Variants in MGA observed in about 807,000 individuals in gnomAD.
MGA encodes MAX gene-associated protein.
MGA carries 40 observed loss-of-function variants against 261.1 expected under a neutral mutation model. The ratio of observed to expected loss-of-function variants is 0.15; its 90% CI spans 0.12 to 0.20. The LOEUF is 0.20. Ranked by LOEUF, MGA falls within the 10% of genes least tolerant of loss-of-function variation. MGA has a pLI of 1.00. For missense variants in MGA, 3,397 were observed against 3,630.5 expected, an observed-to-expected ratio of 0.94 and a Z score of 1.65; for synonymous variants, 1,302 against 1,290.6, an observed-to-expected ratio of 1.01 and a Z score of -0.19.
At position 41,734,609 on chromosome 15, in the gene MGA, T is replaced by C. The variant is rs369773773; in HGVS notation, c.3916+15T>C. 24 of 1,543,674 alleles carry C rather than the reference T, an allele frequency of 1.6e-5. No individual in the cohort carries two copies. The African/African-American group carries it at 2.9e-4, about 18-fold the overall frequency. On this transcript the variant is annotated intron_variant, in intron 12 of 23. Transcript: ENST00000219905. ...TAAATTACAAGGTCAGAATGAAAAC[T>C]AGATCTTAACATTTGATAAAAATTA...
intron 1 of MGA, among the ~76,000 whole-genome samples, chr15:41,653,221 T>G (rs1175033429): frequency 1.3e-5 from 2 of 151,374 alleles, no homozygotes; most frequent in Non-Finnish European, 2.9e-5. Flanking sequence ...ACAAAAAAAT[T>G]AGCAGGGTGT....
chr15:41,652,099 G>C (rs983974856), intron 1 of MGA, among the ~76,000 whole-genome samples: 3 of 144,242 alleles, frequency 2.1e-5, no homozygotes, highest in Non-Finnish European at 3.0e-5. Context: ...CTGAGTAGCT[G>C]GGACTACAGG....
rs555576913 is a variant in MGA, at chr15:41,634,750, C to T, written c.-68+13452C>T. On this transcript the variant is annotated intron_variant, in intron 1 of 8. Coordinates refer to the MGA transcript ENST00000566718. ...ATGCATATAATGTATGTTCAGGGAGCGTTTGGTTAGAATGAGGTTTTGTTT... is the reference window on the plus strand; with the variant it reads ...ATGCATATAATGTATGTTCAGGGAGTGTTTGGTTAGAATGAGGTTTTGTTT... 5.5e-4 allele frequency among the ~76,000 whole-genome samples: 84 copies of T among 151,886 alleles called. 1 individual carries two copies. The highest frequency in any genetic ancestry group is 5.2e-3 in the South Asian group (25 of 4,818).
rs1040784047 is a variant in MGA, at chr15:41,623,722, C to T, written c.-68+2424C>T. Among the ~76,000 whole-genome samples the T allele has an allele frequency of 3.0e-4, 44 of 145,658 alleles. 1 individual carries two copies. Among genetic ancestry groups the T allele is most frequent in the South Asian group, 2.1e-4 (1 of 4,680 alleles). ...AGCCTGGGCAACAAGAGCGAAACTC[C>T]GTCTCCAAAAAAAAAAAAAGAATCT... is the stretch of plus-strand genomic sequence containing the variant. On this transcript the variant is annotated intron_variant, in intron 1 of 8. Transcript: ENST00000566718.
chr15:41,639,336 A>T (rs1442248559), intron 1 of MGA, among the ~76,000 whole-genome samples: 1 of 151,948 alleles, frequency 6.6e-6, no homozygotes, highest in Non-Finnish European at 1.5e-5. Flanking sequence ...CTTTCCATTC[A>T]GTTGAGAGGG....
In MGA at chr15:41,742,856, C is replaced by T; in HGVS notation, c.4896C>T (p.Ala1632=). 6.2e-7 allele frequency: 1 copy of T among 1,613,934 alleles called. No homozygotes were observed. Among genetic ancestry groups the T allele is most frequent in the African/African-American group, 1.3e-5 (1 of 75,038 alleles). Residue 1632 remains alanine (A), a synonymous_variant, in exon 15 of 24, where the codon GCC becomes GCT. Coordinates refer to ENST00000219905, the MANE Select transcript of MGA (RefSeq NM_001164273.2). ...AAGAAACTACTTATTCTTCTGGTGC[C>T]ACCACTACAGGGGTTGTTGAGGTCT...
intron 9 of MGA, among the ~76,000 whole-genome samples, chr15:41,725,834 C>CAAAAAA (rs1204528358): frequency 2.2e-4 from 2 of 9,028 alleles, no homozygotes; most frequent in Admixed American, 2.8e-3. Flanking sequence ...GACTCCGTCT[C>CAAAAAA]AAAAAAAAAA....
intron 2 of MGA, among the ~76,000 whole-genome samples, chr15:41,676,607 T>C (rs1236599349): frequency 6.6e-6 from 1 of 152,234 alleles, no homozygotes; most frequent in Non-Finnish European, 1.5e-5. Flanking sequence ...AGGGGTGTAT[T>C]AGTATCTATA....
chr15:41,651,391 T>C (rs2057039304), intron 1 of MGA, among the ~76,000 whole-genome samples: 1 of 152,238 alleles, frequency 6.6e-6, no homozygotes, highest in Non-Finnish European at 1.5e-5. Context: ...TTCTGGATAA[T>C]TTATTGTAGT....
At chr15:41,717,947 A>C (rs1014910139) in intron 9 of MGA, among the ~76,000 whole-genome samples, 1 of 151,686 alleles carries the variant, frequency 6.6e-6, no homozygotes, top group Non-Finnish European at 1.5e-5. Context: ...AAAATCAATC[A>C]GTATACTTTG....
chr15:41,749,069 G>A, intron 16 of MGA, 42 bp from the exon 17 acceptor site: 1 of 1,575,040 alleles, frequency 6.3e-7, no homozygotes, highest in Non-Finnish European at 8.6e-7. Context: ...CTTGATATGG[G>A]CAGTCATGAT....
intron 1 of MGA, among the ~76,000 whole-genome samples, chr15:41,643,372 C>G (rs936971727): frequency 2.0e-5 from 3 of 151,892 alleles, no homozygotes; most frequent in Non-Finnish European, 2.9e-5. Context: ...TCCTGAGTAG[C>G]TGGGACTATA....
chr15:41,762,841 T>C (rs991469690), intron 22 of MGA, among the ~76,000 whole-genome samples: 13 of 152,232 alleles, frequency 8.5e-5, no homozygotes, highest in African/African-American at 3.1e-4. Flanking sequence ...ACATTCGATT[T>C]TGGTTTCTGG....
upstream of MGA, among the ~76,000 whole-genome samples, chr15:41,659,651 C>CT (rs1309274615): frequency 2.0e-5 from 3 of 152,232 alleles, no homozygotes; most frequent in Admixed American, 2.0e-4. Flanking sequence ...TTCACTAATA[C>CT]TTTCTTTGCA....
rs1272897711 is a variant in MGA at position 41,736,332 on chromosome 15, C to T, written c.4068C>T (p.Ser1356=). The change falls in exon 13 of 24, where the codon TCC becomes TCT. Residue 1356 remains serine, a synonymous_variant. Coordinates refer to ENST00000219905, the MANE Select transcript of MGA (RefSeq NM_001164273.2). Reference sequence around the variant, plus strand: ...GGAACAAGATTTTGAGCATCTTATCCCAGCACATCAATAGCAACATGCCAC... The same window carrying T: ...GGAACAAGATTTTGAGCATCTTATCTCAGCACATCAATAGCAACATGCCAC... The T allele has an allele frequency of 1.2e-6, 2 of 1,613,962 alleles. No individual in the cohort carries two copies. The highest frequency in any genetic ancestry group is 1.7e-5 in the Admixed American group (1 of 60,010).
chr15:41,643,103 T>C (rs1363054820), intron 1 of MGA, among the ~76,000 whole-genome samples: 1 of 150,978 alleles, frequency 6.6e-6, no homozygotes, highest in Non-Finnish European at 1.5e-5. Context: ...AACAGGGTCT[T>C]GCTGTGTTGC....
At chr15:41,697,988 A>T (rs1319643939) in intron 3 of MGA, among the ~76,000 whole-genome samples, 1 of 144,798 alleles carries the variant, frequency 6.9e-6, no homozygotes, top group Non-Finnish European at 1.5e-5. Context: ...CCTGCCTCAG[A>T]CTCCCGAGTA....
rs1318153502 is a variant in MGA, at chr15:41,768,798, T to C, written c.*1518T>C. On this transcript the variant is annotated 3_prime_UTR_variant, in exon 24 of 24. Coordinates refer to ENST00000219905, the MANE Select transcript of MGA (RefSeq NM_001164273.2). ...TCAGACCTAGGTTGTAAGACCAACT[T>C]TGGATTGGATCTAGCCAGTGAATTA... 1 of 152,310 alleles carries C rather than the reference T, an allele frequency of 6.6e-6. No individual in the cohort carries two copies. Among genetic ancestry groups the C allele is most frequent in the African/African-American group, 2.4e-5 (1 of 41,444 alleles). 9.4% of individuals were successfully genotyped at this position (152,310 alleles called of 1,614,324 possible).
chr15:41,742,821 G>A lies in MGA; in HGVS notation c.4861G>A (p.Val1621Met), dbSNP rs780419344. The stretch of plus-strand genomic sequence containing the variant: ...GACACCTATGACTGCTATTTCTGAC[G>A]TGGAAACTAAAGAAACTACTTATTC... Residue 1621 changes from valine (V) to methionine (M), a missense_variant, in exon 15 of 24, where the codon GTG becomes ATG. Coordinates refer to ENST00000219905, the MANE Select transcript of MGA (RefSeq NM_001164273.2). The A allele has an allele frequency of 1.1e-5, 18 of 1,613,742 alleles. No individual in the cohort carries two copies. The highest frequency in any genetic ancestry group is 8.0e-5 in the African/African-American group (6 of 74,874).
Sources: gnomAD v4.1 joint callset for allele counts (sites outside exome capture counted in the v4.1 genomes callset) on GRCh38, gnomAD v4.1.1 for gene constraint, MANE v1.5 for transcripts, NCBI Gene and HGNC (gene_info 2026-07-23, HGNC 2026-07-21) for gene names.